The following FBLN7 variants were observed in gnomAD, a reference collection of about 807,000 sequenced individuals.
FBLN7 encodes the protein fibulin-7.
Under a neutral mutation model 44.0 loss-of-function variants are expected in FBLN7, and 31 were observed. That is an observed-to-expected ratio of 0.70 (90% CI 0.53 to 0.95). FBLN7 has a LOEUF of 0.95. Among genes scored for constraint, FBLN7 ranks in the 40% least tolerant of loss-of-function variants. FBLN7 has a pLI of 0.00. For synonymous variants in FBLN7, 262 were observed against 253.4 expected (o/e 1.03, Z -0.32); for missense variants, 573 against 618.5 (o/e 0.93, Z 0.78).
chr2:112,179,595 C>T (rs1682884639), intron 4 of FBLN7, among the ~76,000 whole-genome samples: 1 of 152,158 alleles, frequency 6.6e-6, no homozygotes, highest in Non-Finnish European at 1.5e-5. Flanking sequence ...TCAAACTATA[C>T]CACAAGGCTA....
At chr2:112,175,392 A>C (rs1364813331) in intron 3 of FBLN7, among the ~76,000 whole-genome samples, 1 of 152,252 alleles carries the variant, frequency 6.6e-6, no homozygotes, top group Non-Finnish European at 1.5e-5. Context: ...TCTACACTGC[A>C]CCTTTGCAAA....
At chr2:112,173,590 C>A (rs190906891) in intron 3 of FBLN7, among the ~76,000 whole-genome samples, 1 of 152,250 alleles carries the variant, frequency 6.6e-6, no homozygotes, top group East Asian at 1.9e-4. Context: ...GAAAAAAGTT[C>A]GGTCATGCAT....
the FBLN7 span, chr2:112,236,565 T>C: frequency 1.2e-6 from 2 of 1,613,108 alleles, no homozygotes; most frequent in African/African-American, 1.3e-5. Context: ...CCAATACCTC[T>C]TCCTGTGAGC....
intron 5 of FBLN7, 48 bp downstream of exon 5, chr2:112,181,924 T>A: frequency 6.6e-7 from 1 of 1,514,894 alleles, no homozygotes; most frequent in Non-Finnish European, 8.8e-7. Context: ...GGGGAGGACA[T>A]GGGGCGGGGA....
chr2:112,205,313 A>C, the FBLN7 span, among the ~76,000 whole-genome samples: 13 of 152,122 alleles, frequency 8.5e-5, no homozygotes, highest in Non-Finnish European at 1.6e-4. Flanking sequence ...GCCAATAACA[A>C]AATGTCAAAC....
chr2:112,198,419 T>A, the FBLN7 span, among the ~76,000 whole-genome samples: 1 of 152,204 alleles, frequency 6.6e-6, no homozygotes, highest in South Asian at 2.1e-4. Flanking sequence ...GGCAGATTGC[T>A]TGAGGTCAGG....
chr2:112,154,513 G>A (rs1365495948), intron 1 of FBLN7, among the ~76,000 whole-genome samples: 3 of 152,156 alleles, frequency 2.0e-5, no homozygotes, highest in African/African-American at 7.2e-5. Flanking sequence ...CTCCCACCTT[G>A]GAGAGTGGGA....
At chr2:112,170,025 G>T (rs948290618) in intron 3 of FBLN7, among the ~76,000 whole-genome samples, 1 of 152,192 alleles carries the variant, frequency 6.6e-6, no homozygotes, top group African/African-American at 2.4e-5. Flanking sequence ...TGGATGACTT[G>T]AGGTCAGGAG....
chr2:112,218,430 T>TA, the FBLN7 span, among the ~76,000 whole-genome samples: 1 of 152,128 alleles, frequency 6.6e-6, no homozygotes, highest in Non-Finnish European at 1.5e-5. Flanking sequence ...TTTATCATGT[T>TA]AAAAAAGTAT....
At chr2:112,229,659 C>T in the FBLN7 span, among the ~76,000 whole-genome samples, 1 of 152,112 alleles carries the variant, frequency 6.6e-6, no homozygotes, top group African/African-American at 2.4e-5. Flanking sequence ...CAGCCAACTC[C>T]CAGCCAATCT....
intron 5 of FBLN7, among the ~76,000 whole-genome samples, 166 bp from the exon 6 acceptor site, chr2:112,182,625 T>A (rs1360501841): frequency 1.3e-5 from 2 of 152,230 alleles, no homozygotes; most frequent in Non-Finnish European, 2.9e-5. Flanking sequence ...CACCTGCTCC[T>A]CTTGTGAGTG....
In FBLN7 at chr2:112,187,634, T is replaced by C; in HGVS notation, c.*128T>C. On this transcript the variant is annotated 3_prime_UTR_variant, in exon 8 of 8. Coordinates refer to ENST00000331203, the MANE Select transcript of FBLN7 (RefSeq NM_153214.3). The surrounding 1 kb of genome is among the most constrained non-coding windows in gnomAD (Gnocchi z 5.1). The stretch of plus-strand genomic sequence containing the variant: ...CCTCTCACCAGTGCACCCAGGCTTC[T>C]AGGGCAGCGTTGCACGGCGCCCCAT... 7.6e-7 allele frequency: 1 copy of C among 1,315,734 alleles called. No individual in the cohort carries two copies. Among genetic ancestry groups the C allele is most frequent in the Non-Finnish European group, 1.0e-6 (1 of 957,246 alleles). The allele number at this position is 1,315,734 out of a possible 1,614,324, so 81.5% of individuals were successfully genotyped here. A position where few individuals can be genotyped will look rare whatever the true frequency, so the allele number is the denominator to read the frequency against.
At chr2:112,181,637 G>C (rs1682997966) in intron 4 of FBLN7, 102 bp from the exon 5 acceptor site, 1 of 1,291,070 alleles carries the variant, frequency 7.7e-7, no homozygotes, top group Non-Finnish European at 9.9e-7. Context: ...CCTTTGAGAA[G>C]GGGCCGTGCC....
chr2:112,236,141 G>A, the FBLN7 span, among the ~76,000 whole-genome samples: 1 of 152,066 alleles, frequency 6.6e-6, no homozygotes, highest in Non-Finnish European at 1.5e-5. Context: ...GCGGGCGCCT[G>A]TAGTCCCAGC....
intron 1 of FBLN7, among the ~76,000 whole-genome samples, chr2:112,139,962 T>TCCCTCCCGCCTCTCTCCAGGCCAGC: frequency 2.0e-5 from 1 of 49,538 alleles, no homozygotes; most frequent in African/African-American, 1.2e-4. Context: ...TCCACGCCAG[T>TCCCTCCCGCCTCTCTCCAGGCCAGC]GTCCCTCCCG....
chr2:112,160,180 C>T (rs1474998700), intron 2 of FBLN7, among the ~76,000 whole-genome samples: 8 of 152,048 alleles, frequency 5.3e-5, no homozygotes, highest in South Asian at 2.1e-4. Context: ...TTAGTAGAGA[C>T]GGGGTTTCAC....
chr2:112,163,792 C>T (rs111857195), intron 2 of FBLN7, among the ~76,000 whole-genome samples: 1 of 152,198 alleles, frequency 6.6e-6, no homozygotes, highest in Non-Finnish European at 1.5e-5. Context: ...TTCCAATGCC[C>T]CGTGTAACTC....
At chr2:112,171,566 G>A (rs1230542841) in intron 3 of FBLN7, among the ~76,000 whole-genome samples, 1 of 151,728 alleles carries the variant, frequency 6.6e-6, no homozygotes, top group East Asian at 1.9e-4. Flanking sequence ...TCAATAAATA[G>A]TTACTGAGTA....
the FBLN7 span, among the ~76,000 whole-genome samples, chr2:112,210,716 G>A: frequency 6.6e-6 from 1 of 150,896 alleles, no homozygotes; most frequent in Non-Finnish European, 1.5e-5. Context: ...TCAAGATGCT[G>A]GTGTGAAATC....
Sources: gnomAD v4.1 joint callset for allele counts (sites outside exome capture counted in the v4.1 genomes callset) on GRCh38, gnomAD v4.1.1 for gene constraint, Gnocchi (gnomAD v3.1) non-coding constraint, MANE v1.5 for transcripts, NCBI Gene and HGNC (gene_info 2026-07-23, HGNC 2026-07-21) for gene names.